Variants in ABCB1 observed in about 807,000 individuals in gnomAD.
ABCB1 encodes ATP-dependent translocase ABCB1.
Under a neutral mutation model 142.0 loss-of-function variants are expected in ABCB1, and 69 were observed. The observed-to-expected ratio is 0.49, with a 90% CI of 0.40 to 0.59. ABCB1 has a LOEUF of 0.59. ABCB1 is among the 20% of genes least tolerant of loss of function. The pLI is 0.00. For synonymous variants in ABCB1, 532 were observed against 539.2 expected, an observed-to-expected ratio of 0.99 and a Z score of 0.18; for missense variants, 1,326 against 1,554.7, an observed-to-expected ratio of 0.85 and a Z score of 2.47.
chr7:87,700,474 A>G (rs1828933382), intron 1 of ABCB1: 1 of 1,613,048 alleles, frequency 6.2e-7, no homozygotes, highest in South Asian at 1.1e-5. Context: ...GGACTATATC[A>G]GAGTGGCTTG....
At chr7:87,623,743 C>T (rs1820309930) in intron 1 of ABCB1, among the ~76,000 whole-genome samples, 1 of 151,882 alleles carries the variant, frequency 6.6e-6, no homozygotes, top group Non-Finnish European at 1.5e-5. Flanking sequence ...ATGCTCGCTT[C>T]TGATAGTTTT....
chr7:87,600,314 C>T, intron 1 of ABCB1, 124 bp from the exon 2 acceptor site: 1 of 785,962 alleles, frequency 1.3e-6, no homozygotes, highest in Non-Finnish European at 2.2e-6. Flanking sequence ...CGTTGATGCC[C>T]CAGCTGCTCT....
chr7:87,592,084 TAA>T (rs1027736590), intron 3 of ABCB1, among the ~76,000 whole-genome samples: 1 of 152,196 alleles, frequency 6.6e-6, no homozygotes, highest in African/African-American at 2.4e-5. Flanking sequence ...GGTTGAGAAC[TAA>T]GTCAATGGCG....
intron 23 of ABCB1, among the ~76,000 whole-genome samples, chr7:87,518,267 C>A (rs569306140): frequency 1.2e-3 from 187 of 152,320 alleles, no homozygotes; most frequent in Non-Finnish European, 2.2e-3. Context: ...GGACCTTTTT[C>A]TAATGCACTG....
chr7:87,645,055 GT>G (rs1372970090), intron 1 of ABCB1, among the ~76,000 whole-genome samples: 2 of 149,534 alleles, frequency 1.3e-5, no homozygotes, highest in Non-Finnish European at 3.0e-5. Context: ...AAGTTTTAAG[GT>G]TTTAGTCACA....
intron 1 of ABCB1, among the ~76,000 whole-genome samples, chr7:87,695,533 T>C (rs1828424198): frequency 6.6e-6 from 1 of 152,130 alleles, no homozygotes; most frequent in South Asian, 2.1e-4. Flanking sequence ...TCTTGTCTTT[T>C]GTTGATTGTC....
intron 1 of ABCB1, among the ~76,000 whole-genome samples, chr7:87,640,562 C>A (rs937530305): frequency 6.6e-6 from 1 of 152,062 alleles, no homozygotes; most frequent in African/African-American, 2.4e-5. Flanking sequence ...CCAGGGTGGT[C>A]TCAAACTGCT....
chr7:87,505,813 T>C, intron 27 of ABCB1, 84 bp downstream of exon 27: 1 of 1,513,454 alleles, frequency 6.6e-7, no homozygotes, highest in Non-Finnish European at 9.2e-7. Context: ...ATAATCTGGC[T>C]GCATTTTGTT....
At chr7:87,563,318 C>A (rs1817649121) in intron 7 of ABCB1, 1 of 448,388 alleles carries the variant, frequency 2.2e-6, no homozygotes, top group South Asian at 1.6e-5. Context: ...TTCTATGAGG[C>A]CAGAATAATC....
At chr7:87,594,875 C>T (rs1819132465) in intron 3 of ABCB1, among the ~76,000 whole-genome samples, 3 of 152,164 alleles carry the variant, frequency 2.0e-5, no homozygotes, top group Admixed American at 2.0e-4. Context: ...AATCTATCCA[C>T]TCCCTTACCT....
intron 1 of ABCB1, among the ~76,000 whole-genome samples, chr7:87,654,150 A>G (rs181987240): frequency 5.3e-5 from 8 of 152,130 alleles, no homozygotes; most frequent in Admixed American, 5.2e-4. Flanking sequence ...GTTTATATTA[A>G]CAATCTACCC....
chr7:87,624,538 C>T (rs936755326), intron 1 of ABCB1, among the ~76,000 whole-genome samples: 2 of 152,216 alleles, frequency 1.3e-5, no homozygotes, highest in African/African-American at 2.4e-5. Flanking sequence ...TTCGGTTCTA[C>T]AGAATTCCTA....
intron 24 of ABCB1, among the ~76,000 whole-genome samples, chr7:87,515,684 A>AG (rs1815210544): frequency 6.6e-6 from 1 of 151,910 alleles, no homozygotes. Flanking sequence ...TCCACCCCCC[A>AG]GGTTCAAGCA....
At chr7:87,615,105 G>A (rs1819991775) in intron 1 of ABCB1, among the ~76,000 whole-genome samples, 1 of 152,142 alleles carries the variant, frequency 6.6e-6, no homozygotes, top group Non-Finnish European at 1.5e-5. Flanking sequence ...CCAAAGTGAT[G>A]GAATTACAGG....
chr7:87,618,927 G>T (rs1386062035), intron 1 of ABCB1, among the ~76,000 whole-genome samples: 1 of 152,026 alleles, frequency 6.6e-6, no homozygotes, highest in Admixed American at 6.5e-5. Flanking sequence ...AACTACAATG[G>T]GATTCTACCA....
intron 25 of ABCB1, among the ~76,000 whole-genome samples, chr7:87,514,262 A>G (rs187990611): frequency 1.2e-3 from 179 of 152,332 alleles, no homozygotes; most frequent in African/African-American, 4.0e-3. Flanking sequence ...GTCAGTGTCC[A>G]TGCTGTTCCC....
At chr7:87,645,123 C>T (rs1317611750) in intron 1 of ABCB1, among the ~76,000 whole-genome samples, 20 of 143,772 alleles carry the variant, frequency 1.4e-4, no homozygotes, top group African/African-American at 4.9e-4. Flanking sequence ...GCTCTTGTTG[C>T]TCAGGCCGGA....
chr7:87,624,589 G>A (rs1291831469), intron 1 of ABCB1, among the ~76,000 whole-genome samples: 1 of 152,114 alleles, frequency 6.6e-6, no homozygotes, highest in African/African-American at 2.4e-5. Flanking sequence ...AATTTTTACT[G>A]TGACTCTTTG....
At chr7:87,581,734 T>C (rs1157362611) in intron 4 of ABCB1, among the ~76,000 whole-genome samples, 2 of 152,208 alleles carry the variant, frequency 1.3e-5, no homozygotes, top group Admixed American at 1.3e-4. Flanking sequence ...AGCTGTCTAA[T>C]TAGATCCTAT....
Sources: allele counts gnomAD v4.1 joint callset (sites outside exome capture counted in the v4.1 genomes callset), GRCh38; gene constraint gnomAD v4.1.1; transcripts MANE v1.5; gene names NCBI Gene and HGNC (gene_info 2026-07-23, HGNC 2026-07-21).